NAA15: variants seen among roughly 807,000 people sequenced by gnomAD.
NAA15 encodes the protein N-terminal acetyltransferase.
Under a neutral mutation model 114.0 loss-of-function variants are expected in NAA15, and 34 were observed. That is an observed-to-expected ratio of 0.30 (90% CI 0.23 to 0.40). NAA15 has a LOEUF of 0.40. Among genes scored for constraint, NAA15 ranks in the 10% least tolerant of loss-of-function variants. NAA15 has a pLI of 1.00. For synonymous variants in NAA15, 340 were observed against 338.0 expected (o/e 1.01, Z -0.06); for missense variants, 658 against 1,004.5 (o/e 0.66, Z 4.66).
At chr4:139,360,206 A>T (rs1748089412) in intron 12 of NAA15, among the ~76,000 whole-genome samples, 1 of 152,032 alleles carries the variant, frequency 6.6e-6, no homozygotes, top group Admixed American at 6.6e-5. Flanking sequence ...TCTTGTATTA[A>T]TCCCTACCCT....
rs890666829 is a variant in NAA15 at position 139,389,275 on chromosome 4, C to T, written c.*1191C>T. 2 of 135,670 alleles carry T rather than the reference C, an allele frequency of 1.5e-5. No individual in the cohort carries two copies. Among genetic ancestry groups the T allele is most frequent in the Non-Finnish European group, 3.1e-5 (2 of 64,708 alleles). 8.4% of individuals were successfully genotyped at this position (135,670 alleles called of 1,614,324 possible). A position where few individuals can be genotyped will look rare whatever the true frequency, so the allele number is the denominator to read the frequency against. On this transcript the variant is annotated 3_prime_UTR_variant, in exon 20 of 20. Transcript: ENST00000296543. ...ACAGATGTAATTTCCTTTTTGTTGTCAAACATAAGGTACCAAATATGATGC... is the reference window on the plus strand; with the variant it reads ...ACAGATGTAATTTCCTTTTTGTTGTTAAACATAAGGTACCAAATATGATGC...
chr4:139,344,213 T>C lies in NAA15; in HGVS notation c.565T>C (p.Tyr189His). The change falls in exon 6 of 20, where the codon TAT becomes CAT. Residue 189 changes from tyrosine to histidine, a missense_variant. Transcript: ENST00000296543. ...ATCCCCTGACAAGGTGGATTATGAA[T>C]ATAGTGAACTACTCTTATATCAGAA... ...QTSPDKVDYE[Y>H]SELLLYQNQV... The C allele has an allele frequency of 6.2e-7, 1 of 1,611,676 alleles. No homozygotes were observed. The highest frequency in any genetic ancestry group is 8.5e-7 in the Non-Finnish European group (1 of 1,178,706).
intron 1 of NAA15, among the ~76,000 whole-genome samples, chr4:139,322,366 A>G (rs1265233731): frequency 1.3e-5 from 2 of 152,240 alleles, no homozygotes; most frequent in African/African-American, 4.8e-5. Flanking sequence ...AGGCTCCTCC[A>G]GCCTCATGGA....
chr4:139,339,510 T>C (rs1328004606), intron 3 of NAA15, among the ~76,000 whole-genome samples: 5 of 151,044 alleles, frequency 3.3e-5, no homozygotes, highest in Non-Finnish European at 7.4e-5. Flanking sequence ...AAAAACGCAA[T>C]AATTAGGAGG....
At chr4:139,352,933 G>T (rs546918258) in intron 9 of NAA15, among the ~76,000 whole-genome samples, 2 of 152,162 alleles carry the variant, frequency 1.3e-5, no homozygotes, top group East Asian at 1.9e-4. Context: ...CTCCCAAAGT[G>T]CTGGGATTAC....
At chr4:139,349,835 A>G (rs1282760569) in intron 7 of NAA15, among the ~76,000 whole-genome samples, 1 of 152,012 alleles carries the variant, frequency 6.6e-6, no homozygotes, top group Non-Finnish European at 1.5e-5. Context: ...AATACAAAAA[A>G]TTAGCCTGGC....
intron 15 of NAA15, among the ~76,000 whole-genome samples, chr4:139,372,077 G>A (rs1344774653): frequency 2.0e-5 from 3 of 151,928 alleles, no homozygotes; most frequent in East Asian, 1.9e-4. Context: ...CACCATGCCC[G>A]GCTAATTTTT....
At chr4:139,371,497 G>GCGCGCGCACACA (rs1389164527) in intron 15 of NAA15, among the ~76,000 whole-genome samples, 3 of 113,678 alleles carry the variant, frequency 2.6e-5, no homozygotes, top group African/African-American at 9.5e-5. Flanking sequence ...AAGAAAAGTA[G>GCGCGCGCACACA]CACACACACA....
chr4:139,302,008 C>T, intron 1 of NAA15, 177 bp downstream of exon 1: 1 of 594,880 alleles, frequency 1.7e-6, no homozygotes, highest in South Asian at 2.9e-5. Context: ...CTATGGCCCG[C>T]GCGCCAGGGA....
chr4:139,304,760 A>G (rs923760077), intron 1 of NAA15, among the ~76,000 whole-genome samples: 1 of 152,152 alleles, frequency 6.6e-6, no homozygotes, highest in Non-Finnish European at 1.5e-5. Flanking sequence ...CACCACTACA[A>G]TTAGGCTACA....
At chr4:139,320,564 A>G (rs1393815731) in intron 1 of NAA15, among the ~76,000 whole-genome samples, 4 of 152,128 alleles carry the variant, frequency 2.6e-5, no homozygotes, top group Non-Finnish European at 2.9e-5. Flanking sequence ...TCTGTCGTCC[A>G]GGCTGGAGTG....
intron 14 of NAA15, 56 bp downstream of exon 14, chr4:139,361,993 A>C: frequency 7.8e-7 from 1 of 1,287,750 alleles, no homozygotes; most frequent in Non-Finnish European, 1.1e-6. Flanking sequence ...ATTTATGTGT[A>C]TTATGTTTTT....
At chr4:139,327,344 G>C (rs1746836043) in intron 1 of NAA15, among the ~76,000 whole-genome samples, 1 of 152,178 alleles carries the variant, frequency 6.6e-6, no homozygotes, top group Non-Finnish European at 1.5e-5. Flanking sequence ...CCGTTTCCCG[G>C]GTTCAAGTGA....
chr4:139,334,416 A>G (rs1162252584), intron 2 of NAA15, among the ~76,000 whole-genome samples, 158 bp downstream of exon 2: 1 of 152,234 alleles, frequency 6.6e-6, no homozygotes, highest in Non-Finnish European at 1.5e-5. Context: ...TTTGAATTTA[A>G]TATCAAGAAA....
intron 1 of NAA15, among the ~76,000 whole-genome samples, chr4:139,327,857 GT>G (rs1160199809): frequency 2.0e-5 from 3 of 152,072 alleles, no homozygotes; most frequent in African/African-American, 7.2e-5. Flanking sequence ...TAGAGACAGG[GT>G]TTTGCCATGT....
intron 1 of NAA15, among the ~76,000 whole-genome samples, chr4:139,317,989 T>C (rs1746470272): frequency 6.6e-6 from 1 of 152,190 alleles, no homozygotes; most frequent in Admixed American, 6.5e-5. Context: ...AAATATAAAA[T>C]CTGGCACATT....
At chr4:139,363,881 GTTTGT>G (rs1003428595) in intron 14 of NAA15, among the ~76,000 whole-genome samples, 3 of 152,124 alleles carry the variant, frequency 2.0e-5, no homozygotes, top group Admixed American at 2.0e-4. Flanking sequence ...TTATTTGTTT[GTTTGT>G]TTTGTTTTGT....
chr4:139,370,495 T>C lies in NAA15; in HGVS notation c.1947+91T>C, dbSNP rs903009099. 9 of 1,243,344 alleles carry C rather than the reference T, an allele frequency of 7.2e-6. No homozygotes were observed. In the South Asian group the frequency reaches 1.9e-4, roughly 26 times the overall value. 77.0% of individuals were successfully genotyped at this position (1,243,344 alleles called of 1,614,324 possible). On this transcript the variant is annotated intron_variant, in intron 15 of 19. Transcript: ENST00000296543. ...CTGTCTTATTTGACAGTATATAACC[T>C]TATGTGATATAGGTTTTAGAGCCAA...
At chr4:139,352,944 A>G (rs1052231035) in intron 9 of NAA15, among the ~76,000 whole-genome samples, 1 of 152,154 alleles carries the variant, frequency 6.6e-6, no homozygotes, top group Non-Finnish European at 1.5e-5. Context: ...CTGGGATTAC[A>G]GATGTGAGCC....
Sources: allele counts gnomAD v4.1 joint callset (sites outside exome capture counted in the v4.1 genomes callset), GRCh38; gene constraint gnomAD v4.1.1; transcripts MANE v1.5; gene names NCBI Gene and HGNC (gene_info 2026-07-23, HGNC 2026-07-21).